The following SLC19A1 variants were observed in gnomAD, a reference collection of about 807,000 sequenced individuals.
SLC19A1 encodes reduced folate transporter.
A neutral mutation model predicts 35.3 loss-of-function variants in SLC19A1; 37 were observed. That is an observed-to-expected ratio of 1.05 (90% confidence interval 0.81 to 1.38). The LOEUF is 1.38. Among genes scored for constraint, SLC19A1 ranks in the 40% most tolerant of loss-of-function variants. The pLI, the probability that SLC19A1 is intolerant of heterozygous loss-of-function variation, is 0.00. For synonymous variants in SLC19A1, 460 were observed against 398.5 expected, an observed-to-expected ratio of 1.15 and a Z score of -1.84; for missense variants, 831 against 826.9, an observed-to-expected ratio of 1.00 and a Z score of -0.06.
At chr21:45,528,384 G>A (rs2077724853) in intron 4 of SLC19A1, among the ~76,000 whole-genome samples, 2 of 152,156 alleles carry the variant, frequency 1.3e-5, no homozygotes, top group African/African-American at 2.4e-5. Flanking sequence ...CAGATCAGCA[G>A]GGAGGAAAGC....
At chr21:45,555,154 GGGCGGCGGGGGC>G (rs1181096641) in intron 1 of SLC19A1, among the ~76,000 whole-genome samples, 3,398 of 95,146 alleles carry the variant, frequency 0.036, 823 homozygotes, top group East Asian at 0.07. Flanking sequence ...GCGGTGCAGG[GGGCGGCGGGGGC>G]GGCGCAGGGG....
chr21:45,547,946 C>G (rs1243066399), upstream of SLC19A1, among the ~76,000 whole-genome samples: 1 of 152,230 alleles, frequency 6.6e-6, no homozygotes, highest in Non-Finnish European at 1.5e-5. Flanking sequence ...TGCAATCCAA[C>G]AGAGATCTCA....
intron 1 of SLC19A1, among the ~76,000 whole-genome samples, chr21:45,561,772 AAATAAAT>A (rs1276609240): frequency 3.3e-5 from 5 of 151,856 alleles, no homozygotes; most frequent in Admixed American, 3.3e-4. Flanking sequence ...AAAAATAAAT[AAATAAAT>A]AATAAATAAT....
At position 45,534,850 on chromosome 21, in the gene SLC19A1, C is replaced by G. The variant is rs1011427522; in HGVS notation, c.190-2702G>C. ...GGAGGTGGCATCTGTCAGGCGGCCA[C>G]GACTCTGACACGAGGACAGCCTCCT... On this transcript the variant is annotated intron_variant, in intron 2 of 5. Transcript: ENST00000311124. The surrounding 1 kb of genome is among the most constrained non-coding windows in gnomAD (Gnocchi z 4.2). 2 of 561,350 alleles carry G rather than the reference C, an allele frequency of 3.6e-6. No homozygotes were observed. The highest frequency in any genetic ancestry group is 3.2e-6 in the Non-Finnish European group (1 of 313,532). 34.8% of individuals were successfully genotyped at this position (561,350 alleles called of 1,614,324 possible).
rs775422006 is a variant in SLC19A1 at position 45,512,768 on chromosome 21, A to T, written c.*2890T>A. The T allele has an allele frequency of 1.4e-5, 5 of 361,458 alleles. No individual in the cohort carries two copies. The highest frequency in any genetic ancestry group is 2.1e-5 in the Non-Finnish European group (4 of 189,724). 22.4% of individuals were successfully genotyped at this position (361,458 alleles called of 1,614,324 possible). On this transcript the variant is annotated 3_prime_UTR_variant, in exon 6 of 6. Coordinates refer to ENST00000311124, the MANE Select transcript of SLC19A1 (RefSeq NM_194255.4). Reference sequence around the variant, plus strand: ...GCTCGCCCCAGCAGGTGCTGACTTCATCTCCCACCTAGCAGCACCGTTCTG... The same window carrying T: ...GCTCGCCCCAGCAGGTGCTGACTTCTTCTCCCACCTAGCAGCACCGTTCTG...
chr21:45,509,452 T>C, downstream of SLC19A1: 2 of 1,532,848 alleles, frequency 1.3e-6, no homozygotes, highest in Non-Finnish European at 1.8e-6. Context: ...CGCGCGGCCC[T>C]GGCGGGCAGA....
At chr21:45,504,514 CCCCCCAG>C in intron 3 of SLC19A1, 1 of 18,134 alleles carries the variant, frequency 5.5e-5, no homozygotes, top group South Asian at 2.6e-3. Context: ...GCCCCCCCGG[CCCCCCAG>C]GCCCCCCAGG....
At chr21:45,536,705 G>A (rs1382849508) in intron 2 of SLC19A1, among the ~76,000 whole-genome samples, 3 of 152,152 alleles carry the variant, frequency 2.0e-5, no homozygotes, top group East Asian at 1.9e-4. Flanking sequence ...GTTGGGGTCC[G>A]GCTTCCGGCC....
chr21:45,555,160 C>CGGGGGGCGGCGCG (rs1555888675), intron 1 of SLC19A1, among the ~76,000 whole-genome samples: 1 of 41,814 alleles, frequency 2.4e-5, no homozygotes, highest in Non-Finnish European at 4.2e-5. Context: ...CAGGGGGCGG[C>CGGGGGGCGGCGCG]GGGGGCGGCG....
At chr21:45,560,827 C>T (rs561281435) in intron 1 of SLC19A1, among the ~76,000 whole-genome samples, 4 of 152,350 alleles carry the variant, frequency 2.6e-5, no homozygotes, top group South Asian at 2.1e-4. Context: ...GAGGGAGGCC[C>T]GAGCCCCGGA....
chr21:45,504,186 G>C lies in SLC19A1; in HGVS notation c.498-5574C>G. On this transcript the variant is annotated intron_variant, in intron 3 of 4. Coordinates refer to the SLC19A1 transcript ENST00000417954. ...AGCCCTGCGAGGGGCGCTGGCTCCAGAGGGTGTCGAGGGCGTCCCTCAGGA... is the reference window on the plus strand; with the variant it reads ...AGCCCTGCGAGGGGCGCTGGCTCCACAGGGTGTCGAGGGCGTCCCTCAGGA... 7.5e-6 allele frequency: 8 copies of C among 1,065,944 alleles called. No individual in the cohort carries two copies. In the South Asian group the frequency reaches 1.0e-4, roughly 14 times the overall value. The allele number at this position is 1,065,944 out of a possible 1,614,324, so 66.0% of individuals were successfully genotyped here. A position where few individuals can be genotyped will look rare whatever the true frequency, so the allele number is the denominator to read the frequency against.
At chr21:45,558,434 C>A (rs1472937968) in intron 1 of SLC19A1, among the ~76,000 whole-genome samples, 1 of 152,238 alleles carries the variant, frequency 6.6e-6, no homozygotes, top group African/African-American at 2.4e-5. Context: ...CCTGAGAACC[C>A]GGGAAGGCAG....
At chr21:45,558,813 CTT>C (rs11363347) in intron 1 of SLC19A1, among the ~76,000 whole-genome samples, 373 of 143,972 alleles carry the variant, frequency 2.6e-3, no homozygotes, top group Non-Finnish European at 3.8e-3. Context: ...TTTCTTTTTT[CTT>C]TTTTTTTTTT....
At chr21:45,555,172 A>G (rs898248047) in intron 1 of SLC19A1, among the ~76,000 whole-genome samples, 1,516 of 25,314 alleles carry the variant, frequency 0.06, 85 homozygotes, top group Middle Eastern at 0.13. Context: ...GGGGCGGCGC[A>G]GGGGGCGGTG....
chr21:45,543,258 G>T (rs1411970955), upstream of SLC19A1, among the ~76,000 whole-genome samples: 1 of 152,180 alleles, frequency 6.6e-6, no homozygotes, highest in Non-Finnish European at 1.5e-5. Flanking sequence ...GCCTGTGCAG[G>T]ACACGGGGAG....
upstream of SLC19A1, among the ~76,000 whole-genome samples, chr21:45,545,091 G>A (rs2078399611): frequency 6.6e-6 from 1 of 152,220 alleles, no homozygotes; most frequent in South Asian, 2.1e-4. Flanking sequence ...GGACACACAT[G>A]CACAGAGACA....
Position 45,515,307 on chromosome 21 carries a change from G to A in SLC19A1, c.*351C>T. On this transcript the variant is annotated 3_prime_UTR_variant, in exon 6 of 6. Transcript: ENST00000311124. ...TGTGGGGCCAGTGTCCCCTGAGCTG[G>A]TATCCAAGAGGCCACTTCACTAGCC... 2 of 1,464,940 alleles carry A rather than the reference G, an allele frequency of 1.4e-6. No homozygotes were observed. The highest frequency in any genetic ancestry group is 1.4e-5 in the South Asian group (1 of 71,960). 90.7% of individuals were successfully genotyped at this position (1,464,940 alleles called of 1,614,324 possible). A position where few individuals can be genotyped will look rare whatever the true frequency, so the allele number is the denominator to read the frequency against.
intron 3 of SLC19A1, among the ~76,000 whole-genome samples, chr21:45,504,712 A>G (rs2037084730): frequency 6.6e-6 from 1 of 151,944 alleles, no homozygotes; most frequent in Non-Finnish European, 1.5e-5. Flanking sequence ...GTGGGGACGC[A>G]GCAGGCCACA....
At chr21:45,550,046 T>C (rs113484210) in intron 1 of SLC19A1, among the ~76,000 whole-genome samples, 280 of 152,208 alleles carry the variant, frequency 1.8e-3, no homozygotes, top group African/African-American at 6.4e-3. Context: ...GGCTGGCACA[T>C]GCGGATGTTG....
Sources: allele counts gnomAD v4.1 joint callset (sites outside exome capture counted in the v4.1 genomes callset), GRCh38; gene constraint gnomAD v4.1.1; non-coding constraint Gnocchi (gnomAD v3.1); transcripts MANE v1.5; gene names NCBI Gene and HGNC (gene_info 2026-07-23, HGNC 2026-07-21).